Variants in IQSEC1 observed in about 807,000 individuals in gnomAD.
IQSEC1 encodes the protein IQ motif and SEC7 domain-containing protein 1.
IQSEC1 carries 31 observed loss-of-function variants against 91.0 expected under a neutral mutation model. The observed-to-expected ratio is 0.34, with a 90% CI of 0.26 to 0.46. The LOEUF (loss-of-function observed/expected upper bound fraction) is 0.46, where lower values mean the gene tolerates loss of function less well. IQSEC1 is among the 20% of genes least tolerant of loss of function. IQSEC1 has a pLI of 1.00. For synonymous variants in IQSEC1, 699 were observed against 662.6 expected (o/e 1.05, Z -0.84); for missense variants, 1,388 against 1,575.6 (o/e 0.88, Z 2.02).
At chr3:13,256,768 G>C (rs116340564) in intron 1 of IQSEC1, among the ~76,000 whole-genome samples, 1 of 152,190 alleles carries the variant, frequency 6.6e-6, no homozygotes, top group African/African-American at 2.4e-5. Flanking sequence ...TGGAGGACCC[G>C]TCAGGTGGCA....
chr3:13,117,673 A>C (rs1330014614), intron 2 of IQSEC1, among the ~76,000 whole-genome samples: 1 of 149,496 alleles, frequency 6.7e-6, no homozygotes, highest in Non-Finnish European at 1.5e-5. Context: ...GATCACAAGG[A>C]CAGGAGTTCG....
At chr3:13,089,804 C>A (rs1035822121) in intron 2 of IQSEC1, among the ~76,000 whole-genome samples, 1 of 152,102 alleles carries the variant, frequency 6.6e-6, no homozygotes, top group Admixed American at 6.6e-5. Context: ...TGGACGGCTG[C>A]GAATGGGTAT....
intron 2 of IQSEC1, among the ~76,000 whole-genome samples, chr3:13,163,709 C>G (rs1164060967): frequency 1.3e-5 from 2 of 152,184 alleles, no homozygotes; most frequent in African/African-American, 2.4e-5. Flanking sequence ...GGCCCACCAC[C>G]AAGCATCTTA....
At chr3:12,923,582 A>G (rs1696830070) in intron 4 of IQSEC1, among the ~76,000 whole-genome samples, 1 of 152,154 alleles carries the variant, frequency 6.6e-6, no homozygotes, top group Non-Finnish European at 1.5e-5. Context: ...CGTGTATGTG[A>G]GTCTGCGTGT....
chr3:13,123,953 G>A (rs1391908474), intron 2 of IQSEC1, among the ~76,000 whole-genome samples: 2 of 152,232 alleles, frequency 1.3e-5, no homozygotes, highest in East Asian at 3.8e-4. Context: ...AAGTTTTATT[G>A]GAACGCAGCC....
At chr3:13,115,148 C>T (rs951308474) in intron 2 of IQSEC1, among the ~76,000 whole-genome samples, 4 of 152,210 alleles carry the variant, frequency 2.6e-5, no homozygotes, top group African/African-American at 7.2e-5. Flanking sequence ...AGCTGAGGAG[C>T]GCCATGGCTG....
chr3:12,957,916 G>C (rs1307458583), intron 1 of IQSEC1, among the ~76,000 whole-genome samples: 1 of 152,224 alleles, frequency 6.6e-6, no homozygotes, highest in African/African-American at 2.4e-5. Context: ...CTCCACACTT[G>C]GTGTTGTAAA....
At chr3:13,216,676 C>T (rs569157872) in intron 1 of IQSEC1, among the ~76,000 whole-genome samples, 1 of 152,110 alleles carries the variant, frequency 6.6e-6, no homozygotes, top group African/African-American at 2.4e-5. Flanking sequence ...CTGGAGGGTG[C>T]GGAAGCCAGT....
chr3:12,987,502 T>C (rs1237690577), intron 1 of IQSEC1, among the ~76,000 whole-genome samples: 2 of 152,154 alleles, frequency 1.3e-5, no homozygotes, highest in Non-Finnish European at 2.9e-5. Context: ...AGACCTAATG[T>C]GAAAGGTGAA....
At chr3:13,229,607 C>T (rs535408306) in intron 1 of IQSEC1, among the ~76,000 whole-genome samples, 1 of 152,174 alleles carries the variant, frequency 6.6e-6, no homozygotes, top group African/African-American at 2.4e-5. Context: ...GCAGGGACTT[C>T]GTCAGGGAAA....
intron 1 of IQSEC1, among the ~76,000 whole-genome samples, chr3:12,985,375 C>T (rs1576114585): frequency 1.3e-5 from 2 of 152,294 alleles, no homozygotes; most frequent in Admixed American, 1.3e-4. Flanking sequence ...GAGTCAGGTC[C>T]CCAGGCCCCG....
intron 1 of IQSEC1, among the ~76,000 whole-genome samples, chr3:13,026,073 G>T (rs1009354644): frequency 6.6e-6 from 1 of 152,214 alleles, no homozygotes; most frequent in Non-Finnish European, 1.5e-5. Flanking sequence ...CTGACGGGGT[G>T]GCCAGCAGCG....
At chr3:13,114,410 T>A (rs1038271154) in intron 2 of IQSEC1, among the ~76,000 whole-genome samples, 5 of 152,168 alleles carry the variant, frequency 3.3e-5, no homozygotes, top group African/African-American at 1.2e-4. Context: ...ACAGAAGATG[T>A]TAACAGGTGG....
chr3:12,977,070 CT>C (rs1191681467), intron 1 of IQSEC1, among the ~76,000 whole-genome samples: 1 of 152,162 alleles, frequency 6.6e-6, no homozygotes, highest in African/African-American at 2.4e-5. Context: ...GGCACAGCAG[CT>C]CATACCTGTA....
intron 1 of IQSEC1, among the ~76,000 whole-genome samples, chr3:13,224,899 C>T (rs1350177270): frequency 2.6e-5 from 4 of 152,220 alleles, no homozygotes; most frequent in African/African-American, 7.2e-5. Flanking sequence ...CAAAGCATAC[C>T]GGATGCCCCA....
chr3:13,188,901 T>C (rs913986225), intron 1 of IQSEC1, among the ~76,000 whole-genome samples: 6 of 152,238 alleles, frequency 3.9e-5, no homozygotes, highest in African/African-American at 1.4e-4. Context: ...CCAAATTCCT[T>C]CACCAGGATT....
chr3:13,253,785 C>T (rs1008632604), intron 1 of IQSEC1, among the ~76,000 whole-genome samples: 2 of 152,126 alleles, frequency 1.3e-5, no homozygotes, highest in African/African-American at 4.8e-5. Context: ...CAAAAGGCCA[C>T]GGTTTTATCT....
intron 1 of IQSEC1, among the ~76,000 whole-genome samples, chr3:12,946,079 C>CAG (rs1331653930): frequency 6.6e-6 from 1 of 152,222 alleles, no homozygotes; most frequent in Non-Finnish European, 1.5e-5. Context: ...GGCAGAAACA[C>CAG]AGATACCTTA....
At chr3:12,971,475 G>A (rs1157630676) in intron 1 of IQSEC1, among the ~76,000 whole-genome samples, 1 of 152,220 alleles carries the variant, frequency 6.6e-6, no homozygotes, top group Non-Finnish European at 1.5e-5. Flanking sequence ...TAAGTAAATT[G>A]TATTACACCC....
Sources: allele counts gnomAD v4.1 joint callset (sites outside exome capture counted in the v4.1 genomes callset), GRCh38; gene constraint gnomAD v4.1.1; transcripts MANE v1.5; gene names NCBI Gene and HGNC (gene_info 2026-07-23, HGNC 2026-07-21).